Variants in STK39 observed in about 807,000 individuals in gnomAD.
STK39 encodes serine/threonine kinase 39, also known as STE20/SPS1-related proline-alanine-rich protein kinase.
Under a neutral mutation model 77.8 loss-of-function variants are expected in STK39, and 20 were observed. The observed-to-expected ratio is 0.26, with a 90% CI of 0.18 to 0.37. The LOEUF is 0.37. Ranked by LOEUF, STK39 falls within the 10% of genes least tolerant of loss-of-function variation. The pLI is 1.00. For synonymous variants in STK39, 246 were observed against 234.1 expected (o/e 1.05, Z -0.47); for missense variants, 479 against 656.5 (o/e 0.73, Z 2.95).
chr2:168,242,985 CCT>C (rs1167513326), intron 1 of STK39, among the ~76,000 whole-genome samples: 2 of 151,816 alleles, frequency 1.3e-5, no homozygotes, highest in African/African-American at 4.8e-5. Flanking sequence ...AAATCAAAGC[CCT>C]GTCTTGAGAC....
chr2:168,023,536 A>G (rs1303766765), intron 14 of STK39, among the ~76,000 whole-genome samples: 2 of 152,134 alleles, frequency 1.3e-5, no homozygotes, highest in African/African-American at 2.4e-5. Flanking sequence ...TGTCAGGACA[A>G]TCTGACAGAG....
Position 167,983,237 on chromosome 2 carries a change from T to C in STK39, c.1499-18511A>G, listed in dbSNP as rs147480821. Among the ~76,000 whole-genome samples the C allele has an allele frequency of 9.5e-3, 1,441 of 152,034 alleles. 33 individuals are homozygous for C. The highest frequency in any genetic ancestry group is 0.033 in the African/African-American group (1,373 of 41,480). On this transcript the variant is annotated intron_variant, in intron 16 of 17. Transcript: ENST00000355999. ...GTTCGTGACTGTAATCCCAGCACTT[T>C]GGGGGGCTGAGGCGGGTGGATCACC...
intron 10 of STK39, among the ~76,000 whole-genome samples, chr2:168,097,043 T>C (rs1487738115): frequency 6.6e-6 from 1 of 152,174 alleles, no homozygotes; most frequent in Non-Finnish European, 1.5e-5. Flanking sequence ...CTAAACTTCA[T>C]TTCCTAGCAC....
chr2:168,245,804 A>G (rs1294746161), intron 1 of STK39, among the ~76,000 whole-genome samples: 1 of 152,224 alleles, frequency 6.6e-6, no homozygotes, highest in Non-Finnish European at 1.5e-5. Flanking sequence ...AGGCAGTGAC[A>G]TGAAGACTCA....
intron 10 of STK39, among the ~76,000 whole-genome samples, chr2:168,093,186 T>A (rs1404634212): frequency 6.6e-6 from 1 of 152,188 alleles, no homozygotes; most frequent in African/African-American, 2.4e-5. Context: ...GCTCTCCTTA[T>A]CCTTCACCAT....
intron 14 of STK39, among the ~76,000 whole-genome samples, chr2:168,018,519 GA>G (rs201867615): frequency 7.1e-5 from 6 of 84,420 alleles, no homozygotes; most frequent in South Asian, 3.6e-4. Flanking sequence ...AGAAAAGAAA[GA>G]AAAGAAAGAA....
chr2:168,226,176 G>A (rs369516520), intron 1 of STK39, among the ~76,000 whole-genome samples: 9 of 152,220 alleles, frequency 5.9e-5, no homozygotes, highest in East Asian at 1.9e-4. Flanking sequence ...CTGATTGGCC[G>A]GTTACACTAA....
chr2:168,236,645 C>T (rs1280897958), intron 1 of STK39, among the ~76,000 whole-genome samples: 1 of 152,206 alleles, frequency 6.6e-6, no homozygotes, highest in Non-Finnish European at 1.5e-5. Flanking sequence ...AGGAAGGGAT[C>T]CAGTTTCAGC....
At chr2:168,004,090 C>T (rs1427073720) in intron 16 of STK39, among the ~76,000 whole-genome samples, 1 of 152,202 alleles carries the variant, frequency 6.6e-6, no homozygotes, top group Admixed American at 6.5e-5. Context: ...GATTTTGTTG[C>T]TCCCATACTT....
At chr2:168,064,932 G>A (rs1470712505) in intron 13 of STK39, among the ~76,000 whole-genome samples, 2 of 152,154 alleles carry the variant, frequency 1.3e-5, no homozygotes, top group Admixed American at 6.5e-5. Context: ...TTGTAGAGAC[G>A]AATTGGCCCA....
At chr2:168,010,330 T>C (rs2105310153) in intron 16 of STK39, among the ~76,000 whole-genome samples, 1 of 152,354 alleles carries the variant, frequency 6.6e-6, no homozygotes, top group Non-Finnish European at 1.5e-5. Flanking sequence ...CAAAAGTGTA[T>C]ACTTATGTTT....
At chr2:167,999,916 A>C (rs920000508) in intron 16 of STK39, among the ~76,000 whole-genome samples, 2 of 152,214 alleles carry the variant, frequency 1.3e-5, no homozygotes, top group African/African-American at 4.8e-5. Context: ...ACCTTCTGGA[A>C]GCAGCACTCC....
intron 14 of STK39, among the ~76,000 whole-genome samples, chr2:168,027,987 A>T (rs1013823852): frequency 2.6e-5 from 4 of 152,192 alleles, no homozygotes; most frequent in African/African-American, 9.7e-5. Context: ...AGCTACGAAA[A>T]AGAGTTTTCA....
rs750177482 is a variant in STK39, at chr2:168,065,431, C to T, written c.1243-50G>A. ...CATTCAAGAAAGCCAAAGGGAGACA[C>T]GGTGAGTGTGGTTACATTAAGTCCC... On this transcript the variant is annotated intron_variant, in intron 12 of 17. Transcript: ENST00000355999. The T allele has an allele frequency of 6.3e-6, 10 of 1,577,234 alleles. No individual in the cohort carries two copies. The South Asian group carries it at 1.0e-4, about 16-fold the overall frequency.
chr2:168,001,742 G>A (rs1261319667), intron 16 of STK39, among the ~76,000 whole-genome samples: 1 of 151,224 alleles, frequency 6.6e-6, no homozygotes, highest in Non-Finnish European at 1.5e-5. Context: ...TTTAACCAAT[G>A]AAGTAAAAAA....
intron 1 of STK39, among the ~76,000 whole-genome samples, chr2:168,183,507 C>T (rs1233214831): frequency 2.0e-5 from 3 of 152,288 alleles, no homozygotes; most frequent in East Asian, 1.9e-4. Flanking sequence ...TGCCAGACTC[C>T]GAGATGTGTG....
intron 8 of STK39, among the ~76,000 whole-genome samples, chr2:168,133,123 T>C (rs1687743393): frequency 6.6e-6 from 1 of 151,900 alleles, no homozygotes; most frequent in South Asian, 2.1e-4. Flanking sequence ...AAAATCCTCC[T>C]CCCCACACAG....
At chr2:168,105,784 G>T (rs564776436) in intron 10 of STK39, among the ~76,000 whole-genome samples, 1 of 152,256 alleles carries the variant, frequency 6.6e-6, no homozygotes, top group Non-Finnish European at 1.5e-5. Flanking sequence ...CTCCAATTCT[G>T]GGAGAAATGA....
rs56330212 is a variant in STK39, at chr2:168,063,562, G to A, written c.1314C>T (p.Pro438=). The A allele has an allele frequency of 2.0e-5, 33 of 1,610,940 alleles. No homozygotes were observed. In the East Asian group the frequency reaches 6.5e-4, roughly 32 times the overall value. ...SLSVHDSQGP[P]NANEDYREAS... ...CTTCTCTGTAGTCTTCATTAGCATT[G>A]GGTGGGCCCTTTAAAAAGAAAACAG... is the stretch of plus-strand genomic sequence containing the variant. The change falls in exon 14 of 18, where the codon CCC becomes CCT. Residue 438 remains proline (P), a synonymous_variant. Coordinates refer to ENST00000355999, the MANE Select transcript of STK39 (RefSeq NM_013233.3).
Sources: gnomAD v4.1 joint callset for allele counts (sites outside exome capture counted in the v4.1 genomes callset) on GRCh38, gnomAD v4.1.1 for gene constraint, MANE v1.5 for transcripts, NCBI Gene and HGNC (gene_info 2026-07-23, HGNC 2026-07-21) for gene names.